Variants in VPS13D observed in about 807,000 individuals in gnomAD.
The protein encoded by VPS13D is vacuolar protein sorting 13 homolog D.
VPS13D carries 187 observed loss-of-function variants against 461.9 expected under a neutral mutation model. That is an observed-to-expected ratio of 0.40 (90% confidence interval 0.36 to 0.46). The LOEUF (loss-of-function observed/expected upper bound fraction) is 0.46, where lower values mean the gene tolerates loss of function less well. VPS13D is among the 20% of genes least tolerant of loss of function. The pLI, the probability that VPS13D is intolerant of heterozygous loss-of-function variation, is 0.60. For missense variants in VPS13D, 4,711 were observed against 5,364.9 expected (o/e 0.88, Z 3.81); for synonymous variants, 1,951 against 1,986.3 (o/e 0.98, Z 0.47).
intron 67 of VPS13D, chr1:12,497,237 A>G (rs1037464904): frequency 1.2e-5 from 3 of 250,534 alleles, no homozygotes; most frequent in Admixed American, 5.4e-5. Flanking sequence ...TTTCAGAGAG[A>G]AAACGGAAAC....
chr1:12,313,299 CTTTTTTT>C (rs765170972), intron 29 of VPS13D, among the ~76,000 whole-genome samples: 1,381 of 117,548 alleles, frequency 0.012, 29 homozygotes, highest in African/African-American at 0.043. Context: ...TTATTCTTTC[CTTTTTTT>C]TTTTTTTTTT....
chr1:12,364,310 G>A (rs777254794), intron 52 of VPS13D, among the ~76,000 whole-genome samples: 2 of 151,944 alleles, frequency 1.3e-5, no homozygotes, highest in Non-Finnish European at 2.9e-5. Flanking sequence ...TTAATCATAC[G>A]GTATTTGTCT....
chr1:12,407,606 C>T (rs554607255), intron 63 of VPS13D, among the ~76,000 whole-genome samples: 1 of 152,254 alleles, frequency 6.6e-6, no homozygotes, highest in South Asian at 2.1e-4. Flanking sequence ...TTTGACTGTC[C>T]AGATTAACCT....
intron 60 of VPS13D, among the ~76,000 whole-genome samples, chr1:12,389,011 A>G (rs1644387598): frequency 6.6e-6 from 1 of 152,214 alleles, no homozygotes; most frequent in Non-Finnish European, 1.5e-5. Context: ...ATTAACTTAC[A>G]TGATCACAAG....
In VPS13D at chr1:12,267,915, ACC is replaced by A; in HGVS notation, c.1798_1799del (p.Pro600SerfsTer10). On this transcript the variant is annotated frameshift_variant, in exon 15 of 70. Coordinates refer to ENST00000620676, the MANE Select transcript of VPS13D (RefSeq NM_015378.4). LOFTEE classifies it high-confidence loss of function. Reference sequence around the variant, plus strand: ...ACATCTGCAGACAGAAGTGATCATTACCCAGGTAATTTGTCCTATGTTGTTTT... The same window carrying A: ...ACATCTGCAGACAGAAGTGATCATTACAGGTAATTTGTCCTATGTTGTTTT... 6.2e-7 allele frequency: 1 copy of A among 1,613,174 alleles called. No homozygotes were observed. Among genetic ancestry groups the A allele is most frequent in the Non-Finnish European group, 8.5e-7 (1 of 1,179,584 alleles).
chr1:12,477,594 CTTGT>C (rs1208776064), intron 67 of VPS13D, among the ~76,000 whole-genome samples: 1 of 152,180 alleles, frequency 6.6e-6, no homozygotes, highest in Non-Finnish European at 1.5e-5. Flanking sequence ...ATGTGAGCTG[CTTGT>C]TTAACACTTT....
chr1:12,286,549 G>A (rs1317587254), intron 21 of VPS13D, among the ~76,000 whole-genome samples: 1 of 152,126 alleles, frequency 6.6e-6, no homozygotes, highest in Non-Finnish European at 1.5e-5. Context: ...CACATTTTAG[G>A]TTTGTCTGTT....
chr1:12,429,087 G>T (rs1455920654), intron 65 of VPS13D, among the ~76,000 whole-genome samples: 1 of 151,580 alleles, frequency 6.6e-6, no homozygotes, highest in Admixed American at 6.6e-5. Context: ...GTGGAGGGGG[G>T]CCAGGATTTT....
rs1641709204 is a variant in VPS13D at position 12,279,311 on chromosome 1, C to T, written c.4451-188C>T. On this transcript the variant is annotated intron_variant, in intron 19 of 69. Transcript: ENST00000620676. The surrounding 1 kb of genome is among the most constrained non-coding windows in gnomAD (Gnocchi z 4.3). Reference sequence around the variant, plus strand: ...TAAATGTATCTTGTACCTCAGCTTGCTATGAGTTTTGGCCTCAGGATAGCT... The same window carrying T: ...TAAATGTATCTTGTACCTCAGCTTGTTATGAGTTTTGGCCTCAGGATAGCT... 1.3e-5 allele frequency among the ~76,000 whole-genome samples: 2 copies of T among 152,196 alleles called. No individual in the cohort carries two copies. The highest frequency in any genetic ancestry group is 2.4e-5 in the African/African-American group (1 of 41,448).
At chr1:12,404,409 C>T (rs1644622498) in intron 63 of VPS13D, among the ~76,000 whole-genome samples, 2 of 152,136 alleles carry the variant, frequency 1.3e-5, no homozygotes, top group East Asian at 1.9e-4. Context: ...CCTAAGTATC[C>T]ACCTCTTTTT....
chr1:12,400,959 C>T lies in VPS13D; in HGVS notation c.11784+629C>T, dbSNP rs549888265. Among the ~76,000 whole-genome samples, 849 of 99,144 alleles carry T rather than the reference C, an allele frequency of 8.6e-3. 9 individuals are homozygous for T. The highest frequency in any genetic ancestry group is 0.028 in the African/African-American group (750 of 26,772). 65.0% of individuals were successfully genotyped at this position (99,144 alleles called of 152,430 possible). ...ATAGAGTGAGATGTGCACCTGCGCG[C>T]GCGCACACACACACACACACACACA... On this transcript the variant is annotated intron_variant, in intron 61 of 69. Coordinates refer to ENST00000620676, the MANE Select transcript of VPS13D (RefSeq NM_015378.4).
At position 12,368,459 on chromosome 1, in the gene VPS13D, G is replaced by A. The variant is rs753061953; in HGVS notation, c.10449-9G>A. ...TTTATGTAGCCTCTTTTGTTTCCTT[G>A]TCCTGCAGGGATACCTTGGGAAAAT... On this transcript the variant is annotated splice_polypyrimidine_tract_variant and intron_variant, in intron 52 of 69. Transcript: ENST00000620676. 1.2e-6 allele frequency: 2 copies of A among 1,606,958 alleles called. No homozygotes were observed. The highest frequency in any genetic ancestry group is 1.7e-6 in the Non-Finnish European group (2 of 1,176,838).
chr1:12,417,705 A>T (rs1160276598), intron 65 of VPS13D, among the ~76,000 whole-genome samples: 2 of 152,192 alleles, frequency 1.3e-5, no homozygotes, highest in African/African-American at 4.8e-5. Context: ...AAGAGGAGGT[A>T]AGAGAGTCGA....
At chr1:12,290,959 AG>A (rs1468795206) in intron 22 of VPS13D, 38 bp from the exon 23 acceptor site, 9 of 1,546,748 alleles carry the variant, frequency 5.8e-6, no homozygotes, top group Admixed American at 4.1e-5. Context: ...GTGACAAAAA[AG>A]GATACATAGT....
intron 13 of VPS13D, among the ~76,000 whole-genome samples, chr1:12,262,372 T>C (rs1352885144): frequency 6.6e-6 from 1 of 152,228 alleles, no homozygotes; most frequent in African/African-American, 2.4e-5. Context: ...AGTTTGACTT[T>C]GGATTTTTCA....
Position 12,473,989 on chromosome 1 carries a change from C to G in VPS13D, c.12662+13593C>G, listed in dbSNP as rs1219761652. Among the ~76,000 whole-genome samples, 1 of 152,124 alleles carries G rather than the reference C, an allele frequency of 6.6e-6. No homozygotes were observed. The highest frequency in any genetic ancestry group is 1.5e-5 in the Non-Finnish European group (1 of 68,028). On this transcript the variant is annotated intron_variant, in intron 67 of 69. Coordinates refer to ENST00000620676, the MANE Select transcript of VPS13D (RefSeq NM_015378.4). The surrounding 1 kb of genome is among the most constrained non-coding windows in gnomAD (Gnocchi z 4.2). ...AACCCACTTGTGAAGAGCAGGTGAC[C>G]CCAAACTATTGTTAGTGTCTGCTGT... is the stretch of plus-strand genomic sequence containing the variant.
chr1:12,419,448 A>C (rs963997951), intron 65 of VPS13D, among the ~76,000 whole-genome samples: 1 of 152,176 alleles, frequency 6.6e-6, no homozygotes, highest in African/African-American at 2.4e-5. Context: ...AAAGAGGTTT[A>C]ATTGACTCAT....
At chr1:12,438,562 T>G (rs1369992602) in intron 65 of VPS13D, among the ~76,000 whole-genome samples, 1 of 152,220 alleles carries the variant, frequency 6.6e-6, no homozygotes, top group Non-Finnish European at 1.5e-5. Context: ...TGTGGTTTAC[T>G]TGTCTTTTTC....
chr1:12,484,011 A>G (rs1432500301), intron 67 of VPS13D, among the ~76,000 whole-genome samples: 1 of 151,604 alleles, frequency 6.6e-6, no homozygotes, highest in Non-Finnish European at 1.5e-5. Context: ...AAAAAAAAAT[A>G]AAAATAAGAA....
Sources: gnomAD v4.1 joint callset for allele counts (sites outside exome capture counted in the v4.1 genomes callset) on GRCh38, gnomAD v4.1.1 for gene constraint, Gnocchi (gnomAD v3.1) non-coding constraint, MANE v1.5 for transcripts, NCBI Gene and HGNC (gene_info 2026-07-23, HGNC 2026-07-21) for gene names.